The following ZNF621 variants were observed in gnomAD, a reference collection of about 807,000 sequenced individuals.
ZNF621 encodes zinc finger protein 621.
A neutral mutation model predicts 12.7 loss-of-function variants in ZNF621; 6 were observed. The ratio of observed to expected loss-of-function variants is 0.47; its 90% CI spans 0.26 to 0.93. The LOEUF (loss-of-function observed/expected upper bound fraction) is 0.93, where lower values mean the gene tolerates loss of function less well. Ranked by LOEUF, ZNF621 falls within the 40% of genes least tolerant of loss-of-function variation. The probability of loss-of-function intolerance (pLI) is 0.15; values close to 1 mark genes in which losing one functional copy is unlikely to be tolerated. For missense variants in ZNF621, 474 were observed against 524.0 expected, an observed-to-expected ratio of 0.90 and a Z score of 0.93; for synonymous variants, 156 against 190.3, an observed-to-expected ratio of 0.82 and a Z score of 1.48.
rs1222505129 is a variant in ZNF621 at position 40,524,992 on chromosome 3, C to T, written c.-345C>T. The T allele has an allele frequency of 3.9e-5, 6 of 152,296 alleles. No homozygotes were observed. Among genetic ancestry groups the T allele is most frequent in the Non-Finnish European group, 5.9e-5 (4 of 68,108 alleles). The allele number at this position is 152,296 out of a possible 1,614,324, so 9.4% of individuals were successfully genotyped here. A position where few individuals can be genotyped will look rare whatever the true frequency, so the allele number is the denominator to read the frequency against. On this transcript the variant is annotated 5_prime_UTR_variant, in exon 1 of 5. Coordinates refer to ENST00000339296, the MANE Select transcript of ZNF621 (RefSeq NM_198484.5). The stretch of plus-strand genomic sequence containing the variant: ...CTCGGCCTTTAGTTAGTGACCAGCT[C>T]CTCGGCGTTCTGCAGAGCGTGGGTT...
chr3:40,534,470 CAT>C lies in ZNF621; in HGVS notation c.*1381_*1382del, dbSNP rs1491300977. On this transcript the variant is annotated 3_prime_UTR_variant, in exon 5 of 5. Coordinates refer to ENST00000339296, the MANE Select transcript of ZNF621 (RefSeq NM_198484.5). ...CTAAGCTTTGATGGAAGGGTCCATA[CAT>C]TTTTTTTTTTTTTTTGCTGATGTTG... 3.6e-5 allele frequency: 4 copies of C among 111,688 alleles called. No homozygotes were observed. The highest frequency in any genetic ancestry group is 1.6e-4 in the African/African-American group (3 of 19,218). 6.9% of individuals were successfully genotyped at this position (111,688 alleles called of 1,614,324 possible). A position where few individuals can be genotyped will look rare whatever the true frequency, so the allele number is the denominator to read the frequency against.
intron 1 of ZNF621, chr3:40,525,565 T>C: frequency 1.7e-6 from 1 of 604,628 alleles, no homozygotes; most frequent in South Asian, 2.0e-5. Flanking sequence ...CAAAAAAAGC[T>C]CTTCGGACTG....
Position 40,537,474 on chromosome 3 carries a change from A to G in ZNF621, c.*4384A>G, listed in dbSNP as rs1231359861. The G allele has an allele frequency of 6.6e-6, 1 of 152,254 alleles. No individual in the cohort carries two copies. Among genetic ancestry groups the G allele is most frequent in the East Asian group, 1.9e-4 (1 of 5,188 alleles). The allele number at this position is 152,254 out of a possible 1,614,324, so 9.4% of individuals were successfully genotyped here. A position where few individuals can be genotyped will look rare whatever the true frequency, so the allele number is the denominator to read the frequency against. On this transcript the variant is annotated 3_prime_UTR_variant, in exon 5 of 5. Coordinates refer to ENST00000339296, the MANE Select transcript of ZNF621 (RefSeq NM_198484.5). ...AAAATTTAGCTGGGTGTGGTTGTGC[A>G]TGCCTGTAGTCCGATCTACTTGGGA... is the stretch of plus-strand genomic sequence containing the variant.
At position 40,536,420 on chromosome 3, in the gene ZNF621, ATAAT is replaced by A. The variant is rs1294573976; in HGVS notation, c.*3331_*3334del. 6.6e-6 allele frequency: 1 copy of A among 152,222 alleles called. No individual in the cohort carries two copies. Among genetic ancestry groups the A allele is most frequent in the Non-Finnish European group, 1.5e-5 (1 of 68,038 alleles). The allele number at this position is 152,222 out of a possible 1,614,324, so 9.4% of individuals were successfully genotyped here. On this transcript the variant is annotated 3_prime_UTR_variant, in exon 5 of 5. Transcript: ENST00000339296. ...TTGCTGAAATTTTTAAAAATCTTAA[ATAAT>A]GTACTGTTTAGAAATATACATATTT...
rs974907597 is a variant in ZNF621 at position 40,535,140 on chromosome 3, C to G, written c.*2050C>G. 6.6e-6 allele frequency: 1 copy of G among 152,178 alleles called. No individual in the cohort carries two copies. Among genetic ancestry groups the G allele is most frequent in the Non-Finnish European group, 1.5e-5 (1 of 68,036 alleles). 9.4% of individuals were successfully genotyped at this position (152,178 alleles called of 1,614,324 possible). On this transcript the variant is annotated 3_prime_UTR_variant, in exon 5 of 5. Coordinates refer to ENST00000339296, the MANE Select transcript of ZNF621 (RefSeq NM_198484.5). ...CAGAAAGTGGCTGCGCCTTCAGCCC[C>G]GTGCTAGAATGAGAACATATGGAGC...
Position 40,525,819 on chromosome 3 carries a change from A to T in ZNF621, c.-22A>T. Reference sequence around the variant, plus strand: ...CTTGTCCAAACCCAGAAGACAGTGCATGAAGCCAGGGGACATCCGCCATGC... The same window carrying T: ...CTTGTCCAAACCCAGAAGACAGTGCTTGAAGCCAGGGGACATCCGCCATGC... On this transcript the variant is annotated 5_prime_UTR_variant, in exon 2 of 5. An upstream start codon of the reference 5' UTR is lost. Transcript: ENST00000339296. 1 of 1,614,210 alleles carries T rather than the reference A, an allele frequency of 6.2e-7. No homozygotes were observed. Among genetic ancestry groups the T allele is most frequent in the Non-Finnish European group, 8.5e-7 (1 of 1,180,030 alleles).
intron 2 of ZNF621, among the ~76,000 whole-genome samples, chr3:40,528,997 A>G (rs1202701721): frequency 6.6e-6 from 1 of 152,132 alleles, no homozygotes; most frequent in Non-Finnish European, 1.5e-5. Flanking sequence ...TTTTGTTTTC[A>G]GTTGTTTTCT....
rs560291923 is a variant in ZNF621, at chr3:40,528,448, G to A, written c.25-871G>A. Among the ~76,000 whole-genome samples, 5 of 152,262 alleles carry A rather than the reference G, an allele frequency of 3.3e-5. No homozygotes were observed. The South Asian group carries it at 8.3e-4, about 25-fold the overall frequency. ...TTGGCGATGATGAATAAAAGCCCCTGTAAATGTCCATGTACAGGTTTTTAT... is the reference window on the plus strand; with the variant it reads ...TTGGCGATGATGAATAAAAGCCCCTATAAATGTCCATGTACAGGTTTTTAT... On this transcript the variant is annotated intron_variant, in intron 2 of 4. Transcript: ENST00000339296.
At position 40,529,373 on chromosome 3, in the gene ZNF621, A is replaced by G. The variant is rs1698663131; in HGVS notation, c.79A>G (p.Ser27Gly). Reference sequence around the variant, plus strand: ...TTACTTCACCCAGAATCAATGGGCCAGCCTCGACCCTGCGCAGAGGGCCCT... The same window carrying G: ...TTACTTCACCCAGAATCAATGGGCCGGCCTCGACCCTGCGCAGAGGGCCCT... ...AVYFTQNQWA[S>G]LDPAQRALYG... Residue 27 changes from serine to glycine, a missense_variant, in exon 3 of 5, where the codon AGC becomes GGC. Coordinates refer to ENST00000339296, the MANE Select transcript of ZNF621 (RefSeq NM_198484.5). 1 of 1,614,006 alleles carries G rather than the reference A, an allele frequency of 6.2e-7. No homozygotes were observed. The highest frequency in any genetic ancestry group is 8.5e-7 in the Non-Finnish European group (1 of 1,179,910).
chr3:40,528,861 T>A (rs1698651450), intron 2 of ZNF621, among the ~76,000 whole-genome samples: 2 of 152,220 alleles, frequency 1.3e-5, no homozygotes, highest in South Asian at 4.1e-4. Context: ...AAAGAGTTCT[T>A]TGTACATTTT....
Position 40,533,265 on chromosome 3 carries a change from C to G in ZNF621, c.*175C>G. 9.3e-7 allele frequency: 1 copy of G among 1,076,448 alleles called. No individual in the cohort carries two copies. The highest frequency in any genetic ancestry group is 1.3e-6 in the Non-Finnish European group (1 of 779,698). 66.7% of individuals were successfully genotyped at this position (1,076,448 alleles called of 1,614,324 possible). On this transcript the variant is annotated 3_prime_UTR_variant, in exon 5 of 5. Coordinates refer to ENST00000339296, the MANE Select transcript of ZNF621 (RefSeq NM_198484.5). ...AAGCGATTCTCCTCCTTCAGACTCT[C>G]GAATAGCTGGGATTACAGGCACGCC...
At position 40,532,904 on chromosome 3, in the gene ZNF621, C is replaced by T. The variant is rs151057224; in HGVS notation, c.1134C>T (p.Ala378=). 1.6e-4 allele frequency: 259 copies of T among 1,585,020 alleles called. No individual in the cohort carries two copies. Among genetic ancestry groups the T allele is most frequent in the African/African-American group, 9.2e-4 (68 of 74,264 alleles). The change falls in exon 5 of 5, where the codon GCC becomes GCT. Residue 378 remains alanine (A), a synonymous_variant. Coordinates refer to ENST00000339296, the MANE Select transcript of ZNF621 (RefSeq NM_198484.5). ...TCCAGGGATCCTGTTCTGCTTCAGCCGTAGCTGTGCCTTCACTGACCTTTC... is the reference window on the plus strand; with the variant it reads ...TCCAGGGATCCTGTTCTGCTTCAGCTGTAGCTGTGCCTTCACTGACCTTTC... ...VLLQGSCSAS[A]VAVPSLTFPH...
At position 40,532,843 on chromosome 3, in the gene ZNF621, C is replaced by G. The variant is rs889055088; in HGVS notation, c.1073C>G (p.Pro358Arg). The G allele has an allele frequency of 6.2e-7, 1 of 1,613,878 alleles. No individual in the cohort carries two copies. Among genetic ancestry groups the G allele is most frequent in the Admixed American group, 1.7e-5 (1 of 59,980 alleles). Residue 358 changes from proline (P) to arginine (R), a missense_variant, in exon 5 of 5, where the codon CCC becomes CGC. Physicochemically the swap from Pro to Arg is moderately radical, Grantham distance 103. Transcript: ENST00000339296. Reference protein sequence around the residue: ...VKVLGPSLVSPQCSSPAIPPV... With the variant: ...VKVLGPSLVSRQCSSPAIPPV... ...GTCCTTGGGCCATCCCTGGTCAGTC[C>G]CCAGTGCTCCTCTCCAGCCATACCT...
chr3:40,524,091 T>G (rs1388116718), upstream of ZNF621, among the ~76,000 whole-genome samples: 1 of 152,238 alleles, frequency 6.6e-6, no homozygotes, highest in Non-Finnish European at 1.5e-5. Flanking sequence ...TTTCCTTTCC[T>G]GAATATGAAA....
chr3:40,533,994 T>TC lies in ZNF621; in HGVS notation c.*905dup, dbSNP rs1319283327. On this transcript the variant is annotated 3_prime_UTR_variant, in exon 5 of 5. Coordinates refer to ENST00000339296, the MANE Select transcript of ZNF621 (RefSeq NM_198484.5). ...TGTCTTTAAACGTGAAGTTTTTTTT[T>TC]CTTTAGTTTTGCTCTTGATAGCTAG... 1.3e-5 allele frequency: 2 copies of TC among 152,602 alleles called. No homozygotes were observed. Among genetic ancestry groups the TC allele is most frequent in the Non-Finnish European group, 2.9e-5 (2 of 68,036 alleles). 9.5% of individuals were successfully genotyped at this position (152,602 alleles called of 1,614,324 possible).
Position 40,537,964 on chromosome 3 carries a change from G to A in ZNF621, c.*4874G>A, listed in dbSNP as rs932872912. ...CCATCTAGGACTTTCATGGAGAAGA[G>A]AAGTTAATCCCTGGCTTAAAAGCAT... On this transcript the variant is annotated 3_prime_UTR_variant, in exon 5 of 5. Coordinates refer to ENST00000339296, the MANE Select transcript of ZNF621 (RefSeq NM_198484.5). Among the ~76,000 whole-genome samples, 4 of 152,204 alleles carry A rather than the reference G, an allele frequency of 2.6e-5. No homozygotes were observed. The highest frequency in any genetic ancestry group is 5.9e-5 in the Non-Finnish European group (4 of 68,028).
At position 40,538,698 on chromosome 3, in the gene ZNF621, C is replaced by T. The variant is rs1698929226; in HGVS notation, c.*5608C>T. ...ACTTTCAAGTATTATTTAAGGAATA[C>T]ATTTTGTAAGGCTGTGGCTGCCATA... On this transcript the variant is annotated 3_prime_UTR_variant, in exon 5 of 5. Coordinates refer to ENST00000339296, the MANE Select transcript of ZNF621 (RefSeq NM_198484.5). The T allele has an allele frequency of 6.6e-6, 1 of 152,404 alleles. No individual in the cohort carries two copies. Among genetic ancestry groups the T allele is most frequent in the Non-Finnish European group, 1.5e-5 (1 of 68,254 alleles). The allele number at this position is 152,404 out of a possible 1,614,324, so 9.4% of individuals were successfully genotyped here. A position where few individuals can be genotyped will look rare whatever the true frequency, so the allele number is the denominator to read the frequency against.
chr3:40,529,578 A>T (rs1316906426), intron 3 of ZNF621, 133 bp downstream of exon 3: 1 of 1,574,520 alleles, frequency 6.4e-7, no homozygotes. Flanking sequence ...AATACTGGGT[A>T]GGGAAATCCT....
intron 4 of ZNF621, among the ~76,000 whole-genome samples, 197 bp from the exon 5 acceptor site, chr3:40,531,833 A>G (rs1397359803): frequency 6.6e-6 from 1 of 152,108 alleles, no homozygotes; most frequent in Admixed American, 6.5e-5. Flanking sequence ...CAAAGTGCCA[A>G]CATTACAGGC....
Sources: allele counts gnomAD v4.1 joint callset (sites outside exome capture counted in the v4.1 genomes callset), GRCh38; gene constraint gnomAD v4.1.1; transcripts MANE v1.5; gene names NCBI Gene and HGNC (gene_info 2026-07-23, HGNC 2026-07-21).